Variants in STARD13 observed in about 807,000 individuals in gnomAD.
STARD13 encodes stAR-related lipid transfer protein 13.
STARD13 carries 62 observed loss-of-function variants against 106.4 expected under a neutral mutation model. The observed-to-expected ratio is 0.58, with a 90% confidence interval of 0.48 to 0.72. STARD13 has a LOEUF of 0.72. Among genes scored for constraint, STARD13 ranks in the 30% least tolerant of loss-of-function variants. STARD13 has a pLI of 0.00. For missense variants in STARD13, 1,387 were observed against 1,424.0 expected (o/e 0.97, Z 0.42); for synonymous variants, 565 against 553.0 (o/e 1.02, Z -0.31).
chr13:33,675,496 G>T, the STARD13 span, among the ~76,000 whole-genome samples: 3 of 152,158 alleles, frequency 2.0e-5, no homozygotes, highest in Non-Finnish European at 4.4e-5. Context: ...GAGAGAACCT[G>T]TGTCATGGGA....
chr13:33,413,148 C>T, the STARD13 span, among the ~76,000 whole-genome samples: 1 of 152,082 alleles, frequency 6.6e-6, no homozygotes, highest in Non-Finnish European at 1.5e-5. Context: ...GGAAACTAAA[C>T]AACACACTTC....
chr13:33,345,267 G>A (rs562209991), downstream of STARD13, among the ~76,000 whole-genome samples: 1 of 152,280 alleles, frequency 6.6e-6, no homozygotes, highest in South Asian at 2.1e-4. Context: ...GATGATTAGG[G>A]GACAAGCTAC....
the STARD13 span, among the ~76,000 whole-genome samples, chr13:33,645,221 G>T: frequency 6.6e-6 from 1 of 152,090 alleles, no homozygotes; most frequent in Non-Finnish European, 1.5e-5. Context: ...TGTTCATTTT[G>T]GCCCTCCTGC....
At chr13:33,318,965 G>A (rs1893446564) in intron 1 of STARD13, among the ~76,000 whole-genome samples, 1 of 152,078 alleles carries the variant, frequency 6.6e-6, no homozygotes, top group African/African-American at 2.4e-5. Flanking sequence ...GTAAAATGGT[G>A]CAACCACTTT....
intron 1 of STARD13, among the ~76,000 whole-genome samples, chr13:33,296,435 C>CAT (rs59268692): frequency 0.76 from 114,430 of 150,982 alleles, 43,604 homozygotes; most frequent in East Asian, 0.97. Context: ...CATAGTGACA[C>CAT]GTGTGTGTGT....
chr13:33,148,432 A>T (rs2147814), intron 3 of STARD13, among the ~76,000 whole-genome samples: 2 of 152,234 alleles, frequency 1.3e-5, no homozygotes, highest in African/African-American at 4.8e-5. Flanking sequence ...TGAACAGACA[A>T]CTCACTAAAG....
At chr13:33,171,505 A>C (rs797226) in intron 1 of STARD13, among the ~76,000 whole-genome samples, 95,935 of 152,122 alleles carry the variant, frequency 0.63, 30,956 homozygotes, top group Admixed American at 0.71. Context: ...TTCCCTACGT[A>C]TTCTGATAAC....
intron 10 of STARD13, among the ~76,000 whole-genome samples, chr13:33,111,474 T>A (rs533466959): frequency 6.6e-6 from 1 of 152,302 alleles, no homozygotes; most frequent in Admixed American, 6.5e-5. Context: ...TTTAACCTAA[T>A]CAAGCTCCAA....
intron 1 of STARD13, among the ~76,000 whole-genome samples, chr13:33,187,494 G>C (rs1354675678): frequency 6.6e-6 from 1 of 152,090 alleles, no homozygotes; most frequent in East Asian, 1.9e-4. Flanking sequence ...CCTGAGACCT[G>C]TTCAGAAGAA....
intron 1 of STARD13, among the ~76,000 whole-genome samples, chr13:33,310,396 A>G (rs139960363): frequency 1.9e-3 from 282 of 152,272 alleles, no homozygotes; most frequent in African/African-American, 6.6e-3. Context: ...AAGTTACACA[A>G]CTCTAGGCTG....
intron 1 of STARD13, among the ~76,000 whole-genome samples, chr13:33,217,043 G>T (rs566830768): frequency 6.6e-6 from 1 of 152,188 alleles, no homozygotes; most frequent in South Asian, 2.1e-4. Context: ...AAACAGTAGT[G>T]GTCTTCCTGT....
chr13:33,517,772 C>T, the STARD13 span, among the ~76,000 whole-genome samples: 9 of 152,130 alleles, frequency 5.9e-5, no homozygotes, highest in Non-Finnish European at 5.9e-5. Flanking sequence ...TGTGATTTGC[C>T]ATTCTTTTTA....
At chr13:33,637,506 T>A in the STARD13 span, among the ~76,000 whole-genome samples, 1 of 152,220 alleles carries the variant, frequency 6.6e-6, no homozygotes, top group Non-Finnish European at 1.5e-5. Flanking sequence ...TGAAGAATGC[T>A]GTTTCCATTG....
At chr13:33,675,316 T>G in the STARD13 span, among the ~76,000 whole-genome samples, 1 of 152,202 alleles carries the variant, frequency 6.6e-6, no homozygotes, top group Non-Finnish European at 1.5e-5. Flanking sequence ...ATCAGTCATG[T>G]GGTTCAAAGC....
chr13:33,249,283 T>C (rs1889980518), intron 1 of STARD13, among the ~76,000 whole-genome samples: 1 of 152,206 alleles, frequency 6.6e-6, no homozygotes, highest in African/African-American at 2.4e-5. Context: ...TAACTCACGA[T>C]GACTCAGTTG....
the STARD13 span, among the ~76,000 whole-genome samples, chr13:33,558,664 T>TGCTCAGAGGTCAGGAGATCG: frequency 2.0e-5 from 3 of 151,866 alleles, no homozygotes; most frequent in African/African-American, 7.3e-5. Flanking sequence ...GCTCAGAAGC[T>TGCTCAGAGGTCAGGAGATCG]AATGTTTCAC....
the STARD13 span, among the ~76,000 whole-genome samples, chr13:33,376,094 T>A: frequency 6.6e-6 from 1 of 151,910 alleles, no homozygotes; most frequent in East Asian, 1.9e-4. Flanking sequence ...TTAAACCATA[T>A]TACTTAATAT....
the STARD13 span, among the ~76,000 whole-genome samples, chr13:33,634,154 A>G: frequency 3.9e-5 from 6 of 152,212 alleles, no homozygotes; most frequent in Non-Finnish European, 7.3e-5. Context: ...CATAACAGAA[A>G]GGAAGATTTC....
At chr13:33,286,341 G>C (rs1892058353), upstream of STARD13, among the ~76,000 whole-genome samples, 1 of 152,074 alleles carries the variant, frequency 6.6e-6, no homozygotes, top group South Asian at 2.1e-4. Context: ...GGAATTGGAG[G>C]GCTCTTACAG....
Sources: gnomAD v4.1 joint callset for allele counts (sites outside exome capture counted in the v4.1 genomes callset) on GRCh38, gnomAD v4.1.1 for gene constraint, MANE v1.5 for transcripts, NCBI Gene and HGNC (gene_info 2026-07-23, HGNC 2026-07-21) for gene names.